The following R3HCC1L variants were observed in gnomAD, a reference collection of about 807,000 sequenced individuals.
R3HCC1L encodes coiled-coil domain-containing protein R3HCC1L.
In R3HCC1L, 51 loss-of-function variants were observed where a neutral mutation model predicts 59.9. That is an observed-to-expected ratio of 0.85 (90% CI 0.68 to 1.07). The LOEUF is 1.07. Ranked by LOEUF, R3HCC1L falls within the 50% of genes least tolerant of loss-of-function variation. R3HCC1L has a pLI of 0.00. For synonymous variants in R3HCC1L, 322 were observed against 315.2 expected (o/e 1.02, Z -0.23); for missense variants, 965 against 933.0 (o/e 1.03, Z -0.45).
chr10:98,190,139 T>C lies in R3HCC1L; in HGVS notation c.-14-17962T>C, dbSNP rs561670434. ...CTAGGTAAATATTTGTTAGACTTCA[T>C]TGTTAGGGAATAATAACGAGGAAAA... On this transcript the variant is annotated intron_variant, in intron 4 of 9. Transcript: ENST00000298999. Among the ~76,000 whole-genome samples the C allele has an allele frequency of 3.3e-5, 5 of 152,320 alleles. No homozygotes were observed. In the South Asian group the frequency reaches 1.0e-3, roughly 32 times the overall value.
chr10:98,217,144 A>T (rs940816645), intron 5 of R3HCC1L, among the ~76,000 whole-genome samples: 1 of 152,170 alleles, frequency 6.6e-6, no homozygotes, highest in African/African-American at 2.4e-5. Context: ...ACAGAGTTTT[A>T]TAGTTTCAGG....
At chr10:98,159,548 T>G (rs1480450219) in intron 2 of R3HCC1L, among the ~76,000 whole-genome samples, 1 of 152,254 alleles carries the variant, frequency 6.6e-6, no homozygotes, top group Non-Finnish European at 1.5e-5. Flanking sequence ...ATCTTGTTAC[T>G]CCTTGAACTT....
intron 1 of R3HCC1L, among the ~76,000 whole-genome samples, chr10:98,138,401 A>G (rs1427374147): frequency 6.6e-6 from 1 of 152,168 alleles, no homozygotes; most frequent in Non-Finnish European, 1.5e-5. Context: ...TTTAATCTTA[A>G]ACACTTTTGG....
intron 4 of R3HCC1L, among the ~76,000 whole-genome samples, chr10:98,176,512 T>G (rs963252415): frequency 2.0e-5 from 3 of 152,172 alleles, no homozygotes; most frequent in Admixed American, 6.5e-5. Context: ...TAAATGATAC[T>G]CTTCGATTTT....
At chr10:98,181,126 T>A (rs1849580600) in intron 4 of R3HCC1L, among the ~76,000 whole-genome samples, 1 of 152,218 alleles carries the variant, frequency 6.6e-6, no homozygotes, top group Admixed American at 6.5e-5. Context: ...TGTTAGTTGA[T>A]GCAGTTTCTT....
At chr10:98,233,872 C>G (rs984255339) in intron 6 of R3HCC1L, among the ~76,000 whole-genome samples, 1 of 152,126 alleles carries the variant, frequency 6.6e-6, no homozygotes, top group Non-Finnish European at 1.5e-5. Flanking sequence ...AACCTCCCTT[C>G]TGCAACAAGT....
rs944105675 is a variant in R3HCC1L, at chr10:98,244,671, C to T, written c.*513C>T. ...TTGGCATACACAGAATCTGCACTGC[C>T]GGTTCCAGAACTGCAAAGTTGGTGA... On this transcript the variant is annotated 3_prime_UTR_variant, in exon 10 of 10. Transcript: ENST00000298999. 12 of 152,886 alleles carry T rather than the reference C, an allele frequency of 7.8e-5. No homozygotes were observed. Among genetic ancestry groups the T allele is most frequent in the Non-Finnish European group, 1.2e-4 (8 of 68,476 alleles). The allele number at this position is 152,886 out of a possible 1,614,324, so 9.5% of individuals were successfully genotyped here.
At chr10:98,171,959 T>C (rs1218627883) in intron 4 of R3HCC1L, among the ~76,000 whole-genome samples, 2 of 152,162 alleles carry the variant, frequency 1.3e-5, no homozygotes, top group African/African-American at 4.8e-5. Context: ...TTATGTTTAA[T>C]ATGTATGCAA....
At chr10:98,150,709 ACCT>A (rs755236188) in intron 1 of R3HCC1L, among the ~76,000 whole-genome samples, 4 of 150,222 alleles carry the variant, frequency 2.7e-5, no homozygotes, top group Admixed American at 6.6e-5. Flanking sequence ...TGTGGAATGA[ACCT>A]CCTACAGCGT....
In R3HCC1L at chr10:98,144,072, C is replaced by T. The variant is rs541040930; in HGVS notation, c.-268+9366C>T. On this transcript the variant is annotated intron_variant, in intron 1 of 9. Coordinates refer to ENST00000298999, the MANE Select transcript of R3HCC1L (RefSeq NM_001351015.2). ...TAATCCCAGCATTTTGTGGGGGGTC[C>T]GAAGCAAGAAGATTGCTTGAGCTCA... 7.9e-5 allele frequency among the ~76,000 whole-genome samples: 12 copies of T among 151,924 alleles called. No individual in the cohort carries two copies. The South Asian group carries it at 1.5e-3, about 18-fold the overall frequency.
intron 1 of R3HCC1L, among the ~76,000 whole-genome samples, chr10:98,145,581 T>C (rs1845572180): frequency 1.3e-5 from 2 of 152,220 alleles, no homozygotes; most frequent in South Asian, 4.1e-4. Context: ...TTTGGGGACA[T>C]GCATTTATTC....
chr10:98,233,963 T>G (rs1282291145), intron 6 of R3HCC1L, among the ~76,000 whole-genome samples: 1 of 152,180 alleles, frequency 6.6e-6, no homozygotes, highest in East Asian at 1.9e-4. Flanking sequence ...TTGAATAACA[T>G]CTTCAGTATA....
rs1189115086 is a variant in R3HCC1L, at chr10:98,235,930, C to T, written c.2129-94C>T. The T allele has an allele frequency of 3.7e-6, 5 of 1,366,566 alleles. No individual in the cohort carries two copies. The African/African-American group carries it at 7.3e-5, about 20-fold the overall frequency. The allele number at this position is 1,366,566 out of a possible 1,614,324, so 84.7% of individuals were successfully genotyped here. ...TACTGCTGATGCAGCCCTTGTTAGT[C>T]TATTTTGTATGTTAATTACTGAGTT... On this transcript the variant is annotated intron_variant, in intron 8 of 9. Coordinates refer to ENST00000298999, the MANE Select transcript of R3HCC1L (RefSeq NM_001351015.2).
intron 5 of R3HCC1L, among the ~76,000 whole-genome samples, chr10:98,229,233 C>A (rs948538327): frequency 3.3e-5 from 5 of 152,140 alleles, no homozygotes; most frequent in Admixed American, 6.5e-5. Flanking sequence ...AATGTTCTTC[C>A]ATTTGTTTGT....
At chr10:98,226,667 AC>A (rs1564726803) in intron 5 of R3HCC1L, among the ~76,000 whole-genome samples, 1 of 152,246 alleles carries the variant, frequency 6.6e-6, no homozygotes, top group Non-Finnish European at 1.5e-5. Flanking sequence ...TTCAAAGAGT[AC>A]TATAAAGCTA....
intron 4 of R3HCC1L, among the ~76,000 whole-genome samples, chr10:98,168,952 T>C (rs1409524062): frequency 6.6e-6 from 1 of 152,170 alleles, no homozygotes; most frequent in African/African-American, 2.4e-5. Context: ...ATTATTCTTA[T>C]GCGGAATAGA....
At chr10:98,218,564 T>C (rs1854485317) in intron 5 of R3HCC1L, among the ~76,000 whole-genome samples, 1 of 152,208 alleles carries the variant, frequency 6.6e-6, no homozygotes, top group Non-Finnish European at 1.5e-5. Flanking sequence ...ATGAAGTCTT[T>C]TACTAATTTT....
intron 4 of R3HCC1L, among the ~76,000 whole-genome samples, chr10:98,202,034 C>T (rs996976452): frequency 2.0e-5 from 3 of 151,978 alleles, no homozygotes; most frequent in East Asian, 1.9e-4. Context: ...TCCAAGAGCT[C>T]GGATTACAGG....
chr10:98,162,542 A>T (rs999248276), intron 2 of R3HCC1L, among the ~76,000 whole-genome samples: 1 of 152,096 alleles, frequency 6.6e-6, no homozygotes, highest in Non-Finnish European at 1.5e-5. Flanking sequence ...GATGAGTTTT[A>T]TTTTTTATCC....
Sources: gnomAD v4.1 joint callset for allele counts (sites outside exome capture counted in the v4.1 genomes callset) on GRCh38, gnomAD v4.1.1 for gene constraint, MANE v1.5 for transcripts, NCBI Gene and HGNC (gene_info 2026-07-23, HGNC 2026-07-21) for gene names.